Variants in NR1D2 observed in about 807,000 individuals in gnomAD.
NR1D2 encodes the protein nuclear receptor subfamily 1 group D member 2.
NR1D2 carries 25 observed loss-of-function variants against 52.2 expected under a neutral mutation model. The observed-to-expected ratio is 0.48, with a 90% CI of 0.35 to 0.67. NR1D2 has a LOEUF of 0.67. Ranked by LOEUF, NR1D2 falls within the 30% of genes least tolerant of loss-of-function variation. NR1D2 has a pLI of 0.01. For missense variants in NR1D2, 681 were observed against 707.2 expected (o/e 0.96, Z 0.42); for synonymous variants, 259 against 230.1 (o/e 1.13, Z -1.14).
chr3:23,952,717 C>G (rs924719138), intron 1 of NR1D2, among the ~76,000 whole-genome samples: 15 of 144,290 alleles, frequency 1.0e-4, no homozygotes, highest in Admixed American at 2.1e-4. Flanking sequence ...CAGAGTGAGA[C>G]TCCATCTCAA....
At chr3:23,966,530 T>C (rs745401480) in intron 6 of NR1D2, among the ~76,000 whole-genome samples, 1 of 152,268 alleles carries the variant, frequency 6.6e-6, no homozygotes, top group Non-Finnish European at 1.5e-5. Flanking sequence ...CCATGTGTTA[T>C]ACTTGGCAGC....
At position 23,977,284 on chromosome 3, in the gene NR1D2, A is replaced by T. The variant is rs777111459; in HGVS notation, c.1605A>T (p.Ala535=). The change falls in exon 8 of 8, where the codon GCA becomes GCT. Residue 535 remains alanine, a synonymous_variant. Transcript: ENST00000312521. The part of the protein sequence containing the change: ...VEALQETLIR[A]LRTLIMKNHP... Reference sequence around the variant, plus strand: ...CTTTGCAGGAAACTCTCATTCGTGCACTAAGGACCTTAATAATGAAAAACC... The same window carrying T: ...CTTTGCAGGAAACTCTCATTCGTGCTCTAAGGACCTTAATAATGAAAAACC... The T allele has an allele frequency of 6.2e-7, 1 of 1,612,832 alleles. No homozygotes were observed. Among genetic ancestry groups the T allele is most frequent in the Non-Finnish European group, 8.5e-7 (1 of 1,179,466 alleles).
chr3:23,959,179 A>G (rs1706170802), intron 3 of NR1D2, among the ~76,000 whole-genome samples: 1 of 151,836 alleles, frequency 6.6e-6, no homozygotes, highest in Non-Finnish European at 1.5e-5. Context: ...GTGGTTGGAA[A>G]ATTGAGCCAG....
In NR1D2 at chr3:23,950,861, A is replaced by G. The variant is rs540370941; in HGVS notation, c.17-3676A>G. ...AGTGCTTGCAACCAATTTTTAAGCC[A>G]TCTGCATAGCTCTAATTTCTTTTCT... On this transcript the variant is annotated intron_variant, in intron 1 of 7. Transcript: ENST00000312521. Among the ~76,000 whole-genome samples, 3 of 149,604 alleles carry G rather than the reference A, an allele frequency of 2.0e-5. No individual in the cohort carries two copies. In the East Asian group the frequency reaches 5.9e-4, roughly 29 times the overall value.
intron 2 of NR1D2, 86 bp downstream of exon 2, chr3:23,954,889 T>C: frequency 4.9e-6 from 6 of 1,236,418 alleles, no homozygotes; most frequent in Admixed American, 1.8e-5. Flanking sequence ...GTGGCCATTA[T>C]GTTTCTGGGT....
At chr3:23,957,918 ATGT>A (rs1190742977) in intron 3 of NR1D2, among the ~76,000 whole-genome samples, 2 of 152,192 alleles carry the variant, frequency 1.3e-5, no homozygotes, top group South Asian at 2.1e-4. Flanking sequence ...AAATATAAAA[ATGT>A]TGTGTCCCAT....
At chr3:23,963,887 A>G (rs1158318567) in intron 5 of NR1D2, among the ~76,000 whole-genome samples, 3 of 151,136 alleles carry the variant, frequency 2.0e-5, no homozygotes, top group Non-Finnish European at 4.4e-5. Context: ...TTACTAATAG[A>G]ATATACAGGT....
chr3:23,955,950 C>T (rs371818628), intron 2 of NR1D2, 87 bp from the exon 3 acceptor site: 13 of 896,272 alleles, frequency 1.5e-5, no homozygotes, highest in South Asian at 1.0e-4. Flanking sequence ...AGCTCTTACA[C>T]GTTGAATGAA....
chr3:23,971,772 T>C (rs1005515328), intron 7 of NR1D2, among the ~76,000 whole-genome samples: 1 of 152,164 alleles, frequency 6.6e-6, no homozygotes, highest in African/African-American at 2.4e-5. Context: ...AGTTTTTTCT[T>C]TGTACTCTGA....
At chr3:23,969,329 T>C (rs1706529700) in intron 7 of NR1D2, among the ~76,000 whole-genome samples, 1 of 152,070 alleles carries the variant, frequency 6.6e-6, no homozygotes, top group African/African-American at 2.4e-5. Context: ...ACAAGTTATT[T>C]GTATAATTTT....
At position 23,959,712 on chromosome 3, in the gene NR1D2, G is replaced by A. The variant is rs1377044506; in HGVS notation, c.414G>A (p.Lys138=). The A allele has an allele frequency of 6.2e-7, 1 of 1,613,714 alleles. No individual in the cohort carries two copies. Among genetic ancestry groups the A allele is most frequent in the Non-Finnish European group, 8.5e-7 (1 of 1,179,898 alleles). ...RRSIQQNIQY[K]KCLKNENCSI... ...GTATTCAACAAAACATCCAGTACAA[G>A]AAGTGCCTGAAGAATGAAAACTGTT... The change falls in exon 4 of 8, where the codon AAG becomes AAA. Residue 138 remains lysine, a synonymous_variant. Coordinates refer to ENST00000312521, the MANE Select transcript of NR1D2 (RefSeq NM_005126.5).
intron 3 of NR1D2, among the ~76,000 whole-genome samples, chr3:23,956,395 C>T (rs1294477335): frequency 6.6e-6 from 1 of 151,894 alleles, no homozygotes; most frequent in African/African-American, 2.4e-5. Flanking sequence ...ACCAAGTGCA[C>T]CAAATGCTCA....
chr3:23,947,094 A>G (rs1705752622), intron 1 of NR1D2, among the ~76,000 whole-genome samples: 1 of 152,170 alleles, frequency 6.6e-6, no homozygotes, highest in African/African-American at 2.4e-5. Context: ...TAATCGGCCT[A>G]CTTAGCCTTT....
At chr3:23,969,945 A>G (rs971517162) in intron 7 of NR1D2, among the ~76,000 whole-genome samples, 2 of 152,170 alleles carry the variant, frequency 1.3e-5, no homozygotes, top group African/African-American at 2.4e-5. Flanking sequence ...CAGGTGGCCA[A>G]AGCCTGGAGT....
intron 1 of NR1D2, among the ~76,000 whole-genome samples, chr3:23,949,576 C>T (rs1368572561): frequency 1.3e-5 from 2 of 152,298 alleles, no homozygotes; most frequent in African/African-American, 4.8e-5. Context: ...ATAGGTGTTT[C>T]CCCAGTTGGC....
At position 23,945,504 on chromosome 3, in the gene NR1D2, G is replaced by C; in HGVS notation, c.-75G>C. 2.1e-6 allele frequency: 2 copies of C among 937,362 alleles called. No homozygotes were observed. Among genetic ancestry groups the C allele is most frequent in the Non-Finnish European group, 2.6e-6 (2 of 763,112 alleles). The allele number at this position is 937,362 out of a possible 1,614,324, so 58.1% of individuals were successfully genotyped here. A position where few individuals can be genotyped will look rare whatever the true frequency, so the allele number is the denominator to read the frequency against. On this transcript the variant is annotated 5_prime_UTR_variant, in exon 1 of 8. Transcript: ENST00000312521. ...CGCTGCTTCCAGCCCGGGGCGGCGC[G>C]GCGCTGAGGCGGCGGCGGCGGCGCT... is the stretch of plus-strand genomic sequence containing the variant.
chr3:23,966,588 A>G (rs922364397), intron 6 of NR1D2, among the ~76,000 whole-genome samples: 2 of 152,260 alleles, frequency 1.3e-5, no homozygotes, highest in Non-Finnish European at 2.9e-5. Context: ...TTTTAAATTT[A>G]CTGGCACTAT....
chr3:23,978,818 A>G lies in NR1D2; in HGVS notation c.*1399A>G, dbSNP rs1463038336. On this transcript the variant is annotated 3_prime_UTR_variant, in exon 8 of 8. Transcript: ENST00000312521. Reference sequence around the variant, plus strand: ...TGAAAAATCATCTAGTGTGTGACCTACAGGCTTAGAAATGGTATAGTCAAA... The same window carrying G: ...TGAAAAATCATCTAGTGTGTGACCTGCAGGCTTAGAAATGGTATAGTCAAA... The G allele has an allele frequency of 6.6e-6, 1 of 152,144 alleles. No individual in the cohort carries two copies. Among genetic ancestry groups the G allele is most frequent in the Non-Finnish European group, 1.5e-5 (1 of 67,984 alleles). 9.4% of individuals were successfully genotyped at this position (152,144 alleles called of 1,614,324 possible). A position where few individuals can be genotyped will look rare whatever the true frequency, so the allele number is the denominator to read the frequency against.
At chr3:23,948,530 G>A (rs7430219) in intron 1 of NR1D2, among the ~76,000 whole-genome samples, 1 of 152,192 alleles carries the variant, frequency 6.6e-6, no homozygotes, top group African/African-American at 2.4e-5. Context: ...GGGAGGATTA[G>A]TTACTTTGGT....
Sources: gnomAD v4.1 joint callset for allele counts (sites outside exome capture counted in the v4.1 genomes callset) on GRCh38, gnomAD v4.1.1 for gene constraint, MANE v1.5 for transcripts, NCBI Gene and HGNC (gene_info 2026-07-23, HGNC 2026-07-21) for gene names.